The following CDH1 variants were observed in gnomAD, a reference collection of about 807,000 sequenced individuals.
CDH1 encodes the protein cadherin-1.
In CDH1, 35 loss-of-function variants were observed where a neutral mutation model predicts 84.5. That is an observed-to-expected ratio of 0.41 (90% CI 0.32 to 0.55). CDH1 has a LOEUF of 0.55. Among genes scored for constraint, CDH1 ranks in the 20% least tolerant of loss-of-function variants. CDH1 has a pLI of 0.19. For synonymous variants in CDH1, 417 were observed against 439.0 expected, an observed-to-expected ratio of 0.95 and a Z score of 0.63; for missense variants, 994 against 1,126.6, an observed-to-expected ratio of 0.88 and a Z score of 1.68.
chr16:68,799,295 G>C (rs1960437929), intron 2 of CDH1, among the ~76,000 whole-genome samples: 1 of 152,156 alleles, frequency 6.6e-6, no homozygotes, highest in South Asian at 2.1e-4. Flanking sequence ...CAGTCTAAGG[G>C]CTGAGAAGGT....
Position 68,834,168 on chromosome 16 carries a change from G to T in CDH1, c.*669G>T, listed in dbSNP as rs1374017148. On this transcript the variant is annotated 3_prime_UTR_variant, in exon 16 of 16. Transcript: ENST00000261769. ...GGGGTCTCCCTGTGTTACCCAGGCTGGTCTCAAACTCCTGGGCTCAAGTGA... is the reference window on the plus strand; with the variant it reads ...GGGGTCTCCCTGTGTTACCCAGGCTTGTCTCAAACTCCTGGGCTCAAGTGA... 1 of 487,186 alleles carries T rather than the reference G, an allele frequency of 2.1e-6. No individual in the cohort carries two copies. The highest frequency in any genetic ancestry group is 4.8e-5 in the East Asian group (1 of 21,040). 30.2% of individuals were successfully genotyped at this position (487,186 alleles called of 1,614,324 possible).
chr16:68,822,163 C>A lies in CDH1; in HGVS notation c.1874C>A (p.Pro625His), dbSNP rs1961166603. The change falls in exon 12 of 16, where the codon CCC becomes CAC. Residue 625 changes from proline to histidine, a missense_variant. This residue lies in a region of CDH1 where 769 missense variants were observed against 881.8 expected (regional missense o/e 0.87). Coordinates refer to ENST00000261769, the MANE Select transcript of CDH1 (RefSeq NM_004360.5). ...GCAGACCTTCCTCCCAATACATCTC[C>A]CTTCACAGCAGAACTAACACACGGG... ...IDADLPPNTSPFTAELTHGAS... is the reference protein window; with the variant it reads ...IDADLPPNTSHFTAELTHGAS... 1 of 1,614,144 alleles carries A rather than the reference C, an allele frequency of 6.2e-7. No individual in the cohort carries two copies.
intron 2 of CDH1, among the ~76,000 whole-genome samples, chr16:68,786,236 A>C (rs912252674): frequency 6.6e-6 from 1 of 151,626 alleles, no homozygotes; most frequent in Admixed American, 6.6e-5. Context: ...CAGTGATGCG[A>C]TATTGGCTCA....
intron 10 of CDH1, among the ~76,000 whole-genome samples, chr16:68,816,232 G>T (rs1960983684): frequency 6.6e-6 from 1 of 152,130 alleles, no homozygotes; most frequent in Non-Finnish European, 1.5e-5. Context: ...TGGCCAGGCT[G>T]GTCTCGAACT....
Position 68,812,196 on chromosome 16 carries a change from C to T in CDH1, c.1070C>T (p.Thr357Ile), listed in dbSNP as rs1260033180. 1.2e-6 allele frequency: 2 copies of T among 1,614,128 alleles called. No homozygotes were observed. Among genetic ancestry groups the T allele is most frequent in the African/African-American group, 1.3e-5 (1 of 75,050 alleles). ...AADLQGEGLSTTATAVITVTD... is the reference protein window; with the variant it reads ...AADLQGEGLSITATAVITVTD... ...GACCTTCAAGGTGAGGGGTTAAGCACAACAGCAACAGCTGTGATCACAGTC... is the reference window on the plus strand; with the variant it reads ...GACCTTCAAGGTGAGGGGTTAAGCATAACAGCAACAGCTGTGATCACAGTC... Residue 357 changes from threonine (T) to isoleucine (I), a missense_variant, in exon 8 of 16, where the codon ACA becomes ATA. Coordinates refer to ENST00000261769, the MANE Select transcript of CDH1 (RefSeq NM_004360.5).
chr16:68,819,957 G>C (rs34482077), intron 11 of CDH1, among the ~76,000 whole-genome samples: 2,695 of 152,242 alleles, frequency 0.018, 51 homozygotes, highest in Middle Eastern at 0.12. Flanking sequence ...CCAGCACTTA[G>C]AGAGGCTGAG....
intron 2 of CDH1, among the ~76,000 whole-genome samples, chr16:68,759,773 C>T (rs1325853210): frequency 1.3e-5 from 2 of 152,120 alleles, no homozygotes; most frequent in East Asian, 1.9e-4. Context: ...AGATTATAGG[C>T]GTGAGCCACC....
At position 68,737,460 on chromosome 16, in the gene CDH1, GCA is replaced by G; in HGVS notation, c.46_47del (p.Gln16GlyfsTer17). The G allele has an allele frequency of 6.5e-7, 1 of 1,537,466 alleles. No homozygotes were observed. The highest frequency in any genetic ancestry group is 8.7e-7 in the Non-Finnish European group (1 of 1,148,416). On this transcript the variant is annotated frameshift_variant and splice_region_variant, in exon 1 of 16. Transcript: ENST00000261769. LOFTEE classifies it high-confidence loss of function. ...RSLSALLLLLQVSSWLCQEPE... is the reference protein window; with the variant it reads ...RSLSALLLLLXVSSWLCQEPE... ...GCCTCTCGGCGCTGCTGCTGCTGCT[GCA>G]GGTACCCCGGATCCCCTGACTTGCG...
At chr16:68,830,619 C>CAGGCT (rs1961459888) in intron 15 of CDH1, among the ~76,000 whole-genome samples, 1 of 152,142 alleles carries the variant, frequency 6.6e-6, no homozygotes, top group Non-Finnish European at 1.5e-5. Context: ...GCCAGTGCAT[C>CAGGCT]AGGCTGTTCC....
chr16:68,794,397 TGA>T (rs1296147398), intron 2 of CDH1, among the ~76,000 whole-genome samples: 1 of 152,168 alleles, frequency 6.6e-6, no homozygotes, highest in Non-Finnish European at 1.5e-5. Flanking sequence ...TATCATCAAG[TGA>T]GAGTCAGTGT....
intron 15 of CDH1, among the ~76,000 whole-genome samples, 166 bp downstream of exon 15, chr16:68,829,963 T>C (rs951973351): frequency 1.3e-4 from 19 of 143,076 alleles, no homozygotes; most frequent in South Asian, 2.1e-4. Flanking sequence ...CTTTTTCTTT[T>C]TTTTTTTTTT....
intron 2 of CDH1, among the ~76,000 whole-genome samples, chr16:68,793,066 G>T (rs1410588651): frequency 6.6e-6 from 1 of 152,150 alleles, no homozygotes; most frequent in Non-Finnish European, 1.5e-5. Flanking sequence ...GTCAACAGGG[G>T]TGCAGGAGCC....
At chr16:68,821,572 T>C (rs35839195) in intron 11 of CDH1, among the ~76,000 whole-genome samples, 1,960 of 152,140 alleles carry the variant, frequency 0.013, 41 homozygotes, top group African/African-American at 0.045. Flanking sequence ...TTTAAGCTTC[T>C]AGTCAGGCTT....
chr16:68,790,407 A>G (rs1210197142), intron 2 of CDH1, among the ~76,000 whole-genome samples: 1 of 152,154 alleles, frequency 6.6e-6, no homozygotes, highest in Non-Finnish European at 1.5e-5. Context: ...AGAGTTGCCC[A>G]ACCTGACCAC....
chr16:68,816,827 C>CCT (rs1961000444), intron 10 of CDH1, among the ~76,000 whole-genome samples: 1 of 152,202 alleles, frequency 6.6e-6, no homozygotes, highest in African/African-American at 2.4e-5. Context: ...TTTCTACATG[C>CCT]TCCAAACTGT....
At chr16:68,793,869 T>TG (rs35138507) in intron 2 of CDH1, among the ~76,000 whole-genome samples, 1,594 of 149,254 alleles carry the variant, frequency 0.011, 20 homozygotes, top group African/African-American at 0.037. Context: ...AGGCAGAAGT[T>TG]GCAGTGAACT....
chr16:68,810,723 G>A (rs564884041), intron 6 of CDH1, among the ~76,000 whole-genome samples: 27 of 151,970 alleles, frequency 1.8e-4, no homozygotes, highest in Admixed American at 3.9e-4. Flanking sequence ...AAAATTAGCC[G>A]GTCGTGGTGG....
intron 2 of CDH1, among the ~76,000 whole-genome samples, chr16:68,747,738 C>T (rs1004669144): frequency 1.1e-4 from 15 of 133,598 alleles, no homozygotes; most frequent in South Asian, 2.5e-4. Flanking sequence ...CTCCCAGCAA[C>T]GTATCTGTAT....
At chr16:68,774,498 C>T (rs900425771) in intron 2 of CDH1, among the ~76,000 whole-genome samples, 4 of 152,106 alleles carry the variant, frequency 2.6e-5, no homozygotes, top group Admixed American at 6.5e-5. Flanking sequence ...CCAGCCTGGG[C>T]GACACAGCAA....
Sources: gnomAD v4.1 joint callset for allele counts (sites outside exome capture counted in the v4.1 genomes callset) on GRCh38, gnomAD v4.1.1 for gene constraint, gnomAD v4.1.1 regional missense constraint, MANE v1.5 for transcripts, NCBI Gene and HGNC (gene_info 2026-07-23, HGNC 2026-07-21) for gene names.